The following KNTC1 variants were observed in gnomAD, a reference collection of about 807,000 sequenced individuals.
KNTC1 encodes kinetochore-associated protein 1.
A neutral mutation model predicts 314.4 loss-of-function variants in KNTC1; 253 were observed. That is an observed-to-expected ratio of 0.80 (90% confidence interval 0.73 to 0.89). The LOEUF (loss-of-function observed/expected upper bound fraction) is 0.89, where lower values mean the gene tolerates loss of function less well. KNTC1 is among the 40% of genes least tolerant of loss of function. The probability of loss-of-function intolerance (pLI) is 0.00; values close to 1 mark genes in which losing one functional copy is unlikely to be tolerated. For synonymous variants in KNTC1, 901 were observed against 901.4 expected (o/e 1.00, Z 0.01); for missense variants, 2,475 against 2,572.9 (o/e 0.96, Z 0.82).
intron 16 of KNTC1, among the ~76,000 whole-genome samples, chr12:122,555,243 T>C (rs1343282202): frequency 2.0e-5 from 3 of 152,196 alleles, no homozygotes; most frequent in African/African-American, 7.2e-5. Flanking sequence ...AATATCTTTC[T>C]TCGGTTGATA....
rs1379639385 is a variant in KNTC1 at position 122,571,028 on chromosome 12, A to G, written c.1921A>G (p.Asn641Asp). The change falls in exon 24 of 64, where the codon AAT (asparagine) becomes GAT (aspartate). Residue 641 changes from asparagine to aspartate, a missense_variant. Asn to Asp is a conservative substitution (Grantham distance 23, BLOSUM62 1). Transcript: ENST00000333479. ...CTGTCTGTAATCTTTTTTAAAGGCA[A>G]ATTGGCCAGAAAATGGACTTCAATT... ...ARNLELTDKA[N>D]WPENGLQLAE... 6 of 1,613,188 alleles carry G rather than the reference A, an allele frequency of 3.7e-6. No individual in the cohort carries two copies. The East Asian group carries it at 1.1e-4, about 30-fold the overall frequency.
intron 48 of KNTC1, 77 bp downstream of exon 48, chr12:122,603,320 A>AT (rs914119149): frequency 3.9e-6 from 4 of 1,018,568 alleles, no homozygotes; most frequent in Non-Finnish European, 5.6e-6. Flanking sequence ...GAGAAGCAGG[A>AT]TGGTAGTTTT....
chr12:122,595,414 C>T (rs945911383), intron 43 of KNTC1, among the ~76,000 whole-genome samples: 7 of 152,206 alleles, frequency 4.6e-5, no homozygotes, highest in African/African-American at 4.8e-5. Flanking sequence ...TGCTCAAGGT[C>T]AAATTATTAA....
intron 16 of KNTC1, among the ~76,000 whole-genome samples, chr12:122,552,372 A>G (rs1026383855): frequency 5.3e-5 from 8 of 150,184 alleles, no homozygotes; most frequent in African/African-American, 2.0e-4. Context: ...GTAAAAGAAG[A>G]TGATGATGAT....
intron 2 of KNTC1, 131 bp from the exon 3 acceptor site, chr12:122,534,533 A>G (rs1961629871): frequency 1.3e-6 from 1 of 771,020 alleles, no homozygotes; most frequent in African/African-American, 1.8e-5. Context: ...TTAATTAGAT[A>G]GAGGGGCTAA....
intron 51 of KNTC1, among the ~76,000 whole-genome samples, chr12:122,607,384 AACAGTT>A (rs1394232369): frequency 6.6e-6 from 1 of 152,122 alleles, no homozygotes; most frequent in Non-Finnish European, 1.5e-5. Context: ...TTTAATCTGT[AACAGTT>A]CTGTGACTTT....
intron 16 of KNTC1, among the ~76,000 whole-genome samples, chr12:122,554,962 T>C (rs1463282235): frequency 6.6e-6 from 1 of 152,166 alleles, no homozygotes. Context: ...AGAGAATTGC[T>C]TGAGCCCGGG....
intron 2 of KNTC1, among the ~76,000 whole-genome samples, chr12:122,531,423 C>T (rs1415144039): frequency 1.3e-5 from 2 of 151,956 alleles, no homozygotes; most frequent in African/African-American, 4.8e-5. Flanking sequence ...GTCTTGAACT[C>T]CTGGCCTCAA....
At chr12:122,555,571 C>T (rs1231452162) in intron 16 of KNTC1, among the ~76,000 whole-genome samples, 4 of 148,768 alleles carry the variant, frequency 2.7e-5, no homozygotes, top group Non-Finnish European at 5.9e-5. Flanking sequence ...AAAGAAGGGC[C>T]GGGCGCGGTG....
At chr12:122,592,480 T>C (rs969283960) in intron 42 of KNTC1, among the ~76,000 whole-genome samples, 2 of 152,216 alleles carry the variant, frequency 1.3e-5, no homozygotes, top group Admixed American at 6.5e-5. Flanking sequence ...TGAAGCCAGC[T>C]GGGCTCATGA....
Position 122,605,404 on chromosome 12 carries a change from A to G in KNTC1, c.5485A>G (p.Lys1829Glu), listed in dbSNP as rs755737986. ...LLEKWLCPST[K>E]PGEKPSELFE... is the part of the protein sequence containing the mutation. ...GGAAAAATGGCTATGCCCTTCAACA[A>G]AACCTGGTGAAGTAAGTACTTGCTG... The change falls in exon 51 of 64, where the codon AAA becomes GAA. Residue 1829 changes from lysine to glutamate, a missense_variant. Transcript: ENST00000333479. 6 of 1,571,794 alleles carry G rather than the reference A, an allele frequency of 3.8e-6. No individual in the cohort carries two copies. The highest frequency in any genetic ancestry group is 1.7e-6 in the Non-Finnish European group (2 of 1,148,864).
rs1011612461 is a variant in KNTC1 at position 122,527,259 on chromosome 12, T to C, written c.-166T>C. The C allele has an allele frequency of 1.0e-4, 27 of 261,280 alleles. No homozygotes were observed. The highest frequency in any genetic ancestry group is 2.0e-4 in the Non-Finnish European group (27 of 134,934). 16.2% of individuals were successfully genotyped at this position (261,280 alleles called of 1,614,324 possible). A position where few individuals can be genotyped will look rare whatever the true frequency, so the allele number is the denominator to read the frequency against. On this transcript the variant is annotated 5_prime_UTR_variant, in exon 1 of 64. Transcript: ENST00000333479. ...TAGTGTTCTCCCGCCAATTTAAGCC[T>C]GTGGCATGGAACCTAAAGACTAGAG...
chr12:122,529,875 T>G, intron 1 of KNTC1, 116 bp from the exon 2 acceptor site: 1 of 487,854 alleles, frequency 2.0e-6, no homozygotes, highest in Non-Finnish European at 3.6e-6. Flanking sequence ...AAGTGTTTAG[T>G]GGCCACAGCA....
chr12:122,587,581 C>A, intron 38 of KNTC1, 130 bp from the exon 39 acceptor site: 2 of 614,858 alleles, frequency 3.3e-6, no homozygotes, highest in Non-Finnish European at 5.2e-6. Context: ...TTCTCATTAA[C>A]TAACTGAGAA....
intron 8 of KNTC1, among the ~76,000 whole-genome samples, chr12:122,544,830 C>T (rs1368134023): frequency 6.6e-6 from 1 of 152,122 alleles, no homozygotes; most frequent in Non-Finnish European, 1.5e-5. Flanking sequence ...TTCACAAATC[C>T]GTTGAATCTT....
intron 35 of KNTC1, 65 bp downstream of exon 35, chr12:122,584,515 T>C: frequency 1.6e-6 from 2 of 1,252,646 alleles, no homozygotes; most frequent in East Asian, 2.4e-5. Context: ...GTCTCCCAAA[T>C]GCTGTCTCTT....
chr12:122,564,480 CAT>C (rs1474542475), intron 20 of KNTC1, among the ~76,000 whole-genome samples: 5 of 150,936 alleles, frequency 3.3e-5, no homozygotes, highest in African/African-American at 1.2e-4. Context: ...GGTCCTAAAA[CAT>C]ATAAAACTGA....
At chr12:122,621,605 G>A (rs1222720406) in intron 60 of KNTC1, among the ~76,000 whole-genome samples, 2 of 152,240 alleles carry the variant, frequency 1.3e-5, no homozygotes, top group African/African-American at 2.4e-5. Flanking sequence ...AAAGTGTTGG[G>A]ATTATAGGCA....
rs757752864 is a variant in KNTC1 at position 122,534,785 on chromosome 12, G to A, written c.250+1G>A. On this transcript the variant is annotated splice_donor_variant, in intron 3 of 63. Transcript: ENST00000333479. LOFTEE classifies it high-confidence loss of function. ...TCACTTCAATTGCATCTTGTCTTTGGTAAGTATAATGTAGTGAATGAAGTA... is the reference window on the plus strand; with the variant it reads ...TCACTTCAATTGCATCTTGTCTTTGATAAGTATAATGTAGTGAATGAAGTA... 6.2e-7 allele frequency: 1 copy of A among 1,612,706 alleles called. No individual in the cohort carries two copies. The highest frequency in any genetic ancestry group is 8.5e-7 in the Non-Finnish European group (1 of 1,179,122).
Sources: allele counts gnomAD v4.1 joint callset (sites outside exome capture counted in the v4.1 genomes callset), GRCh38; gene constraint gnomAD v4.1.1; transcripts MANE v1.5; gene names NCBI Gene and HGNC (gene_info 2026-07-23, HGNC 2026-07-21).